The following HEXB variants were observed in gnomAD, a reference collection of about 807,000 sequenced individuals.
HEXB encodes beta-hexosaminidase subunit beta.
A neutral mutation model predicts 71.2 loss-of-function variants in HEXB; 51 were observed. That is an observed-to-expected ratio of 0.72 (90% CI 0.57 to 0.90). The LOEUF (loss-of-function observed/expected upper bound fraction) is 0.90, where lower values mean the gene tolerates loss of function less well. Ranked by LOEUF, HEXB falls within the 40% of genes least tolerant of loss-of-function variation. The pLI is 0.00. For synonymous variants in HEXB, 266 were observed against 249.3 expected (o/e 1.07, Z -0.63); for missense variants, 617 against 677.0 (o/e 0.91, Z 0.98).
intron 6 of HEXB, among the ~76,000 whole-genome samples, chr5:74,709,311 A>G (rs1749481518): frequency 6.6e-6 from 1 of 152,050 alleles, no homozygotes; most frequent in Non-Finnish European, 1.5e-5. Flanking sequence ...AGGGAAATTT[A>G]TAGCACTAAA....
In HEXB at chr5:74,689,394, C is replaced by A; in HGVS notation, c.366C>A (p.Thr122=). 3 of 1,612,006 alleles carry A rather than the reference C, an allele frequency of 1.9e-6. No homozygotes were observed. Among genetic ancestry groups the A allele is most frequent in the Non-Finnish European group, 2.5e-6 (3 of 1,178,092 alleles). The change falls in exon 2 of 14, where the codon ACC becomes ACA. Residue 122 remains threonine, a synonymous_variant. Coordinates refer to ENST00000261416, the MANE Select transcript of HEXB (RefSeq NM_000521.4). ...AACCTGCTGAATTCCAGGCTAAAAC[C>A]CAGGTTCAGCAACTTCTTGTCTCAA... ...HHEPAEFQAK[T]QVQQLLVSIT... is the part of the protein sequence containing the mutation.
chr5:74,680,226 T>G (rs1748713889), intron 1 of HEXB, among the ~76,000 whole-genome samples: 1 of 152,234 alleles, frequency 6.6e-6, no homozygotes, highest in Non-Finnish European at 1.5e-5. Context: ...GGAATTATTT[T>G]CAGTCTTTGA....
In HEXB at chr5:74,696,702, C is replaced by A; in HGVS notation, c.521C>A (p.Thr174Asn). 1.4e-6 allele frequency: 2 copies of A among 1,423,286 alleles called. No individual in the cohort carries two copies. Among genetic ancestry groups the A allele is most frequent in the East Asian group, 2.3e-5 (1 of 43,714 alleles). The allele number at this position is 1,423,286 out of a possible 1,614,324, so 88.2% of individuals were successfully genotyped here. Residue 174 changes from threonine (T) to asparagine (N), a missense_variant, in exon 4 of 14, where the codon ACC (threonine) becomes AAC (asparagine). Thr to Asn is a moderately conservative substitution (Grantham distance 65). Transcript: ENST00000261416. ...ATTTTACTTTCCTCAGGTTTAGAGA[C>A]CTTTAGCCAGTTAGTTTATCAAGAT... ...RVWGALRGLE[T>N]FSQLVYQDSY... is the part of the protein sequence containing the mutation.
At chr5:74,689,529 A>C in intron 2 of HEXB, 56 bp downstream of exon 2, 1 of 1,491,000 alleles carries the variant, frequency 6.7e-7, no homozygotes, top group Non-Finnish European at 9.4e-7. Flanking sequence ...TGACGGACTT[A>C]AGTGCCAAAA....
Position 74,718,940 on chromosome 5 carries a change from A to C in HEXB, c.1386A>C (p.Lys462Asn). The change falls in exon 11 of 14, where the codon AAA (lysine) becomes AAC (asparagine). Residue 462 changes from lysine (K) to asparagine (N), a missense_variant. Transcript: ENST00000261416. Reference sequence around the variant, plus strand: ...TTAGCTATGGACAAGATTGGAGGAAATACTATAAAGTGGAACCTCTTGATT... The same window carrying C: ...TTAGCTATGGACAAGATTGGAGGAACTACTATAAAGTGGAACCTCTTGATT... ...DLISYGQDWR[K>N]YYKVEPLDFG... 1 of 1,614,142 alleles carries C rather than the reference A, an allele frequency of 6.2e-7. No homozygotes were observed. The highest frequency in any genetic ancestry group is 8.5e-7 in the Non-Finnish European group (1 of 1,180,024).
Position 74,720,708 on chromosome 5 carries a change from C to T in HEXB, c.1574C>T (p.Ala525Val). 6.2e-7 allele frequency: 1 copy of T among 1,614,088 alleles called. No homozygotes were observed. Among genetic ancestry groups the T allele is most frequent in the Non-Finnish European group, 8.5e-7 (1 of 1,179,970 alleles). ...AAAGATGTCAGAGATATGGATGACG[C>T]CTATGACAGACTGACAAGGCACCGC... ...SSKDVRDMDD[A>V]YDRLTRHRCR... The change falls in exon 13 of 14, where the codon GCC (alanine) becomes GTC (valine). Residue 525 changes from alanine (A) to valine (V), a missense_variant. By Grantham distance (64) the Ala-to-Val change is moderately conservative. Coordinates refer to ENST00000261416, the MANE Select transcript of HEXB (RefSeq NM_000521.4).
At chr5:74,651,310 C>T (rs867350874) in intron 1 of HEXB, among the ~76,000 whole-genome samples, 3 of 152,204 alleles carry the variant, frequency 2.0e-5, no homozygotes, top group South Asian at 4.1e-4. Context: ...CACTGTGTGT[C>T]TAACCCTTAG....
At chr5:74,698,750 T>C (rs994605844) in intron 5 of HEXB, among the ~76,000 whole-genome samples, 4 of 152,216 alleles carry the variant, frequency 2.6e-5, no homozygotes, top group African/African-American at 9.6e-5. Flanking sequence ...GACAGTCTTG[T>C]CACTTTTAAG....
At chr5:74,672,824 G>A (rs1400268966) in intron 1 of HEXB, among the ~76,000 whole-genome samples, 10 of 152,166 alleles carry the variant, frequency 6.6e-5, no homozygotes, top group Non-Finnish European at 1.3e-4. Context: ...AAGACAAATC[G>A]TAGAGAGTGG....
chr5:74,678,816 G>A lies in HEXB; in HGVS notation c.-376-10512G>A, dbSNP rs112862952. Among the ~76,000 whole-genome samples, 1,051 of 152,170 alleles carry A rather than the reference G, an allele frequency of 6.9e-3. 9 individuals carry two copies. The highest frequency in any genetic ancestry group is 0.022 in the African/African-American group (925 of 41,516). On this transcript the variant is annotated intron_variant, in intron 1 of 13. Coordinates refer to the HEXB transcript ENST00000511181. ...ATATTTGTAATATACAGCACAGATGGATACTCCATTTAAAAATCACCCATA... is the reference window on the plus strand; with the variant it reads ...ATATTTGTAATATACAGCACAGATGAATACTCCATTTAAAAATCACCCATA...
intron 1 of HEXB, among the ~76,000 whole-genome samples, chr5:74,659,664 A>G (rs1748283169): frequency 6.6e-6 from 1 of 152,212 alleles, no homozygotes; most frequent in Non-Finnish European, 1.5e-5. Context: ...AGCCCAGCTC[A>G]TTCCTGCTCT....
intron 1 of HEXB, among the ~76,000 whole-genome samples, chr5:74,669,357 C>A (rs1469631886): frequency 6.6e-6 from 1 of 151,830 alleles, no homozygotes; most frequent in South Asian, 2.1e-4. Flanking sequence ...GGGAGACAGT[C>A]CTCCTTCTAC....
chr5:74,645,344 A>C (rs1747983744), intron 1 of HEXB, among the ~76,000 whole-genome samples: 1 of 152,174 alleles, frequency 6.6e-6, no homozygotes, highest in Non-Finnish European at 1.5e-5. Context: ...TGGGACTGCA[A>C]GCGGGTGCCA....
chr5:74,696,113 C>T (rs754277029), intron 3 of HEXB, among the ~76,000 whole-genome samples: 18 of 152,112 alleles, frequency 1.2e-4, no homozygotes, highest in Admixed American at 2.6e-4. Flanking sequence ...TAGCTGTCAG[C>T]TAGAATGAGG....
intron 3 of HEXB, among the ~76,000 whole-genome samples, chr5:74,695,221 T>G (rs974424900): frequency 4.8e-5 from 7 of 145,342 alleles, no homozygotes; most frequent in Admixed American, 1.4e-4. Context: ...TTTTTTTTTT[T>G]GAGACAGAAT....
Position 74,697,027 on chromosome 5 carries a change from C to A in HEXB, c.590C>A (p.Ser197Tyr). 1 of 1,580,224 alleles carries A rather than the reference C, an allele frequency of 6.3e-7. No individual in the cohort carries two copies. Among genetic ancestry groups the A allele is most frequent in the East Asian group, 2.2e-5 (1 of 44,690 alleles). The change falls in exon 5 of 14, where the codon TCT (serine) becomes TAT (tyrosine). Residue 197 changes from serine to tyrosine, a missense_variant. Ser to Tyr is a moderately radical substitution (Grantham distance 144). Coordinates refer to ENST00000261416, the MANE Select transcript of HEXB (RefSeq NM_000521.4). ...ATCAATGAATCCACCATTATTGATT[C>A]TCCAAGGTTTTCTCACAGAGGAATT... is the stretch of plus-strand genomic sequence containing the variant. ...FTINESTIID[S>Y]PRFSHRGILI...
At chr5:74,691,223 C>T (rs820876) in intron 2 of HEXB, among the ~76,000 whole-genome samples, 69,164 of 151,900 alleles carry the variant, frequency 0.46, 17,087 homozygotes, top group Non-Finnish European at 0.56. Flanking sequence ...ATGGAAATAA[C>T]AAGATATCAA....
upstream of HEXB, among the ~76,000 whole-genome samples, chr5:74,680,620 T>C (rs115505699): frequency 0.023 from 3,491 of 152,290 alleles, 139 homozygotes; most frequent in African/African-American, 0.08. Flanking sequence ...GGTCAGAAAG[T>C]ATACTCCTCC....
chr5:74,718,284 A>C lies in HEXB; in HGVS notation c.1170-7A>C, dbSNP rs1200270211. 6.4e-7 allele frequency: 1 copy of C among 1,565,454 alleles called. No individual in the cohort carries two copies. The highest frequency in any genetic ancestry group is 1.1e-5 in the South Asian group (1 of 90,116). ...CTAAAATAACTATAATTTTTTTGTA[A>C]TACTAGGGTTTTGGATATTATTGCA... On this transcript the variant is annotated splice_polypyrimidine_tract_variant and splice_region_variant and intron_variant, in intron 9 of 13. Coordinates refer to ENST00000261416, the MANE Select transcript of HEXB (RefSeq NM_000521.4).
Sources: allele counts gnomAD v4.1 joint callset (sites outside exome capture counted in the v4.1 genomes callset), GRCh38; gene constraint gnomAD v4.1.1; transcripts MANE v1.5; gene names NCBI Gene and HGNC (gene_info 2026-07-23, HGNC 2026-07-21).